MTMR1: variants seen among roughly 807,000 people sequenced by gnomAD.
MTMR1 encodes myotubularin related protein 1.
MTMR1 carries 17 observed loss-of-function variants against 51.6 expected under a neutral mutation model. The ratio of observed to expected loss-of-function variants is 0.33; its 90% CI spans 0.23 to 0.49. The LOEUF (loss-of-function observed/expected upper bound fraction) is 0.49, where lower values mean the gene tolerates loss of function less well. Among genes scored for constraint, MTMR1 ranks in the 20% least tolerant of loss-of-function variants. The pLI, the probability that MTMR1 is intolerant of heterozygous loss-of-function variation, is 0.99. For synonymous variants in MTMR1, 201 were observed against 205.6 expected, an observed-to-expected ratio of 0.98 and a Z score of 0.19; for missense variants, 386 against 526.9, an observed-to-expected ratio of 0.73 and a Z score of 2.62.
intron 2 of MTMR1, 70 bp from the exon 3 acceptor site, chrX:150,712,272 C>T (rs1184761836): frequency 1.5e-5 from 15 of 1,003,664 alleles, no homozygotes; most frequent in African/African-American, 3.8e-5. Flanking sequence ...GGCTGTTGAA[C>T]TTAATGGCAT....
upstream of MTMR1, chrX:150,693,337 C>T: frequency 2.0e-6 from 1 of 501,311 alleles, no homozygotes. Flanking sequence ...TCCCCGCCCC[C>T]GCTCCCGCCC....
chrX:150,731,377 C>A, intron 8 of MTMR1, 93 bp from the exon 9 acceptor site: 1 of 772,414 alleles, frequency 1.3e-6, no homozygotes, highest in Non-Finnish European at 1.8e-6. Flanking sequence ...ATTTTAGTTG[C>A]AAATAAGAAA....
intron 4 of MTMR1, among the ~76,000 whole-genome samples, chrX:150,719,547 CTT>C (rs1410577465): frequency 8.9e-6 from 1 of 111,732 alleles, no homozygotes; most frequent in Non-Finnish European, 1.9e-5. Flanking sequence ...CCTCTGGACT[CTT>C]TGTTCCTTCT....
intron 12 of MTMR1, among the ~76,000 whole-genome samples, chrX:150,739,489 C>T (rs6627802): frequency 0.3 from 33,844 of 111,452 alleles, 4,586 homozygotes; most frequent in East Asian, 0.71. Flanking sequence ...CTACCTTCCT[C>T]CCCAAACTGT....
chrX:150,723,768 CCTT>C (rs1557416663), intron 4 of MTMR1, among the ~76,000 whole-genome samples: 1 of 111,556 alleles, frequency 9.0e-6, no homozygotes, highest in Non-Finnish European at 1.9e-5. Context: ...TCTGTTGTTC[CCTT>C]CTTTGCGTCT....
Position 150,764,102 on chromosome X carries a change from G to A in MTMR1, c.*1373G>A, listed in dbSNP as rs1043268261. ...CTTTAGAGGCAGAGGCAGCTGCAGC[G>A]GCCCCTGAGGTCAAACCCCAGTGTG... On this transcript the variant is annotated 3_prime_UTR_variant, in exon 16 of 16. Transcript: ENST00000445323. 1.8e-5 allele frequency: 2 copies of A among 112,776 alleles called. No homozygotes were observed. The highest frequency in any genetic ancestry group is 3.2e-5 in the African/African-American group (1 of 31,025). The allele number at this position is 112,776 out of a possible 1,213,427, so 9.3% of individuals were successfully genotyped here.
At chrX:150,714,554 G>C (rs781990614) in intron 3 of MTMR1, 2 of 964,107 alleles carry the variant, frequency 2.1e-6, no homozygotes, top group Admixed American at 6.1e-5. Context: ...GTGTTCATCT[G>C]TTTGTAGCTA....
At chrX:150,742,970 G>T (rs1004190337) in intron 12 of MTMR1, among the ~76,000 whole-genome samples, 1 of 111,449 alleles carries the variant, frequency 9.0e-6, no homozygotes, top group African/African-American at 3.3e-5. Context: ...CATTGCCAGG[G>T]GCTAGGAGGT....
At position 150,737,935 on chromosome X, in the gene MTMR1, C is replaced by T. The variant is rs1039463246; in HGVS notation, c.1473+487C>T. On this transcript the variant is annotated intron_variant, in intron 12 of 15. Coordinates refer to ENST00000445323, the MANE Select transcript of MTMR1 (RefSeq NM_001306144.3). ...TACAAAAATTAGCCAGATGTGTTAG[C>T]GGGCGCCTGTAGTCCCAGCTACTGA... Among the ~76,000 whole-genome samples, 7 of 111,094 alleles carry T rather than the reference C, an allele frequency of 6.3e-5. 1 individual carries two copies. The Middle Eastern group carries it at 0.014, about 218-fold the overall frequency.
intron 13 of MTMR1, among the ~76,000 whole-genome samples, chrX:150,749,595 T>C (rs2042669936): frequency 8.9e-6 from 1 of 112,046 alleles, no homozygotes; most frequent in South Asian, 3.7e-4. Flanking sequence ...TAGAACCTGC[T>C]GGCAATAGTA....
intron 6 of MTMR1, among the ~76,000 whole-genome samples, chrX:150,728,126 A>G (rs781953590): frequency 1.8e-5 from 2 of 112,143 alleles, no homozygotes; most frequent in South Asian, 7.5e-4. Context: ...ATTCTCCCAT[A>G]TACTTTAAAT....
At chrX:150,738,155 CCT>C (rs1262402942) in intron 12 of MTMR1, among the ~76,000 whole-genome samples, 3 of 112,186 alleles carry the variant, frequency 2.7e-5, no homozygotes, top group African/African-American at 9.7e-5. Flanking sequence ...TCCCCCAGCC[CCT>C]GACAACCACT....
At chrX:150,744,250 G>A (rs1470641755) in intron 12 of MTMR1, 111 bp from the exon 13 acceptor site, 1 of 498,328 alleles carries the variant, frequency 2.0e-6, no homozygotes, top group African/African-American at 2.4e-5. Flanking sequence ...TTATGTGCCA[G>A]GAATTCTATT....
chrX:150,748,693 C>G (rs1557417520), intron 13 of MTMR1, among the ~76,000 whole-genome samples: 1 of 109,782 alleles, frequency 9.1e-6, no homozygotes, highest in Non-Finnish European at 1.9e-5. Context: ...AAAAAACTAG[C>G]TGGGTTGTGG....
Position 150,712,369 on chromosome X carries a change from A to G in MTMR1, c.276+4A>G. 8.6e-7 allele frequency: 1 copy of G among 1,164,469 alleles called. No homozygotes were observed. Among genetic ancestry groups the G allele is most frequent in the Non-Finnish European group, 1.1e-6 (1 of 871,188 alleles). On this transcript the variant is annotated splice_donor_region_variant and intron_variant, in intron 3 of 15. Coordinates refer to ENST00000445323, the MANE Select transcript of MTMR1 (RefSeq NM_001306144.3). ...TTTCAGGAGGCCTGATCTAAGGGTA[A>G]GGATATTTGGCTTTCAGCGGATGGG...
intron 2 of MTMR1, 94 bp from the exon 3 acceptor site, chrX:150,712,248 T>G: frequency 1.3e-6 from 1 of 780,441 alleles, no homozygotes; most frequent in Non-Finnish European, 1.9e-6. Context: ...GATTATGATG[T>G]TTCTTAGGGA....
chrX:150,745,056 C>G (rs1461480831), intron 13 of MTMR1, among the ~76,000 whole-genome samples: 1 of 112,786 alleles, frequency 8.9e-6, no homozygotes, highest in Non-Finnish European at 1.9e-5. Context: ...TGGTCAGGCC[C>G]TTTGGCTTCA....
intron 3 of MTMR1, 65 bp downstream of exon 3, chrX:150,712,430 C>T (rs1557416252): frequency 1.9e-6 from 2 of 1,026,926 alleles, no homozygotes; most frequent in Non-Finnish European, 2.7e-6. Flanking sequence ...TTATCGAACA[C>T]TTAGTCTATT....
intron 12 of MTMR1, among the ~76,000 whole-genome samples, chrX:150,742,334 A>G (rs1222981564): frequency 8.9e-6 from 1 of 111,801 alleles, no homozygotes; most frequent in Admixed American, 9.5e-5. Flanking sequence ...CTGTATCTAA[A>G]CGTAGAAAAG....
Sources: allele counts gnomAD v4.1 joint callset (sites outside exome capture counted in the v4.1 genomes callset), GRCh38; gene constraint gnomAD v4.1.1; transcripts MANE v1.5; gene names NCBI Gene and HGNC (gene_info 2026-07-23, HGNC 2026-07-21).